The following OR9G1 variants were observed in gnomAD, a reference collection of about 807,000 sequenced individuals.
The protein encoded by OR9G1 is olfactory receptor family 9 subfamily G member 1.
Under a neutral mutation model 14.5 loss-of-function variants are expected in OR9G1, and 21 were observed. That is an observed-to-expected ratio of 1.45 (90% CI 1.03 to 2.09). The LOEUF (loss-of-function observed/expected upper bound fraction) is 2.09. Among genes scored for constraint, OR9G1 ranks in the 30% most tolerant of loss-of-function variants. The probability of loss-of-function intolerance (pLI) is 0.00; values close to 1 mark genes in which losing one functional copy is unlikely to be tolerated. For synonymous variants in OR9G1, 179 were observed against 153.3 expected (o/e 1.17, Z -1.24); for missense variants, 476 against 364.2 (o/e 1.31, Z -2.50).
In OR9G1 at chr11:56,703,670, T is replaced by C. The variant is rs1049755944; in HGVS notation, c.*2365T>C. ...CATCTAATCTTAAAACACCGTGGTA[T>C]CATAAACCCTGACATGTAACTATAG... On this transcript the variant is annotated 3_prime_UTR_variant, in exon 2 of 2. Coordinates refer to ENST00000642097, the MANE Select transcript of OR9G1 (RefSeq NM_001005213.2). 6.6e-6 allele frequency: 1 copy of C among 152,314 alleles called. No homozygotes were observed. The highest frequency in any genetic ancestry group is 1.5e-5 in the Non-Finnish European group (1 of 68,060). 9.4% of individuals were successfully genotyped at this position (152,314 alleles called of 1,614,324 possible).
At position 56,700,392 on chromosome 11, in the gene OR9G1, A is replaced by G. The variant is rs1365841673; in HGVS notation, c.5A>G (p.Gln2Arg). The G allele has an allele frequency of 1.2e-6, 2 of 1,613,964 alleles. No individual in the cohort carries two copies. Among genetic ancestry groups the G allele is most frequent in the Non-Finnish European group, 1.7e-6 (2 of 1,179,970 alleles). The part of the protein sequence containing the change: M[Q>R]RSNHTVTEFI... ...TAGGTGAGATTCCTTACAGCCATGCAGAGGAGCAATCATACAGTGACTGAG... is the reference window on the plus strand; with the variant it reads ...TAGGTGAGATTCCTTACAGCCATGCGGAGGAGCAATCATACAGTGACTGAG... Residue 2 changes from glutamine (Q) to arginine (R), a missense_variant, in exon 2 of 2, where the codon CAG becomes CGG. Transcript: ENST00000642097.
intron 1 of OR9G1, 69 bp from the exon 2 acceptor site, chr11:56,700,301 A>G: frequency 6.4e-7 from 1 of 1,550,972 alleles, no homozygotes; most frequent in African/African-American, 1.4e-5. Context: ...TGCAAATGTG[A>G]TCTTATGTAA....
At position 56,700,825 on chromosome 11, in the gene OR9G1, C is replaced by T. The variant is rs1383748546; in HGVS notation, c.438C>T (p.Val146=). The T allele has an allele frequency of 1.2e-6, 2 of 1,614,318 alleles. No individual in the cohort carries two copies. Among genetic ancestry groups the T allele is most frequent in the East Asian group, 2.2e-5 (1 of 44,894 alleles). ...SIKLCALLVA[V]SYCGGFINSS... ...AGCTGTGTGCATTGCTGGTAGCAGT[C>T]TCATATTGTGGTGGCTTTATTAACT... The change falls in exon 2 of 2, where the codon GTC becomes GTT. Residue 146 remains valine, a synonymous_variant. Transcript: ENST00000642097.
rs1857612359 is a variant in OR9G1 at position 56,700,886 on chromosome 11, T to G, written c.499T>G (p.Phe167Val). Residue 167 changes from phenylalanine (F) to valine (V), a missense_variant, in exon 2 of 2, where the codon TTC becomes GTC. This residue lies in a region of OR9G1 where 352 missense variants were observed against 211.6 expected (regional missense o/e 1.66). Transcript: ENST00000642097. The part of the protein sequence containing the change: ...IITKKTFSFN[F>V]CRENIIDDFF... ...CACCAAGAAAACGTTTTCCTTTAAC[T>G]TCTGCCGTGAAAACATCATTGATGA... 1 of 1,614,270 alleles carries G rather than the reference T, an allele frequency of 6.2e-7. No homozygotes were observed. Among genetic ancestry groups the G allele is most frequent in the Non-Finnish European group, 8.5e-7 (1 of 1,180,016 alleles).
intron 1 of OR9G1, 74 bp from the exon 2 acceptor site, chr11:56,700,296 A>G: frequency 1.3e-6 from 2 of 1,541,230 alleles, no homozygotes; most frequent in South Asian, 2.6e-5. Context: ...AACACTGCAA[A>G]TGTGATCTTA....
In OR9G1 at chr11:56,701,638, C is replaced by A. The variant is rs1350033421; in HGVS notation, c.*333C>A. On this transcript the variant is annotated 3_prime_UTR_variant, in exon 2 of 2. Coordinates refer to ENST00000642097, the MANE Select transcript of OR9G1 (RefSeq NM_001005213.2). ...CATATAGAAGAGTATCTATATAGTT[C>A]CTAGAACTAGGAAGAATTGTGCTCA... The A allele has an allele frequency of 1.2e-5, 3 of 259,334 alleles. No individual in the cohort carries two copies. The highest frequency in any genetic ancestry group is 4.4e-5 in the African/African-American group (2 of 45,012). 16.1% of individuals were successfully genotyped at this position (259,334 alleles called of 1,614,324 possible). A position where few individuals can be genotyped will look rare whatever the true frequency, so the allele number is the denominator to read the frequency against.
At position 56,701,225 on chromosome 11, in the gene OR9G1, G is replaced by GTA. The variant is rs754573248; in HGVS notation, c.840_841dup (p.Phe281TyrfsTer5). ...AATAGTTTCTACATTTTACACTGTG[G>GTA]TATTCCCCATGTTGAATCTCATGAT... On this transcript the variant is annotated frameshift_variant, in exon 2 of 2. Coordinates refer to ENST00000642097, the MANE Select transcript of OR9G1 (RefSeq NM_001005213.2). LOFTEE classifies it high-confidence loss of function. 2.6e-5 allele frequency: 42 copies of GTA among 1,614,154 alleles called. No homozygotes were observed. Among genetic ancestry groups the GTA allele is most frequent in the Non-Finnish European group, 3.5e-5 (41 of 1,180,044 alleles).
chr11:56,700,754 G>T lies in OR9G1; in HGVS notation c.367G>T (p.Val123Leu), dbSNP rs150808073. 2 of 1,614,310 alleles carry T rather than the reference G, an allele frequency of 1.2e-6. No homozygotes were observed. Among genetic ancestry groups the T allele is most frequent in the East Asian group, 2.2e-5 (1 of 44,894 alleles). ...LLAAVAYDRY[V>L]AISKPLLYAQ... ...GGCTGCCGTGGCTTATGACCGCTAC[G>T]TGGCCATCTCCAAGCCCCTGCTTTA... The change falls in exon 2 of 2, where the codon GTG (valine) becomes TTG (leucine). Residue 123 changes from valine (V) to leucine (L), a missense_variant. Around this residue, in one of 3 missense-constraint regions of OR9G1, gnomAD observed 35 missense variants for 67.6 expected, o/e 0.52. Transcript: ENST00000642097.
chr11:56,700,137 T>A (rs1032804612), intron 1 of OR9G1, among the ~76,000 whole-genome samples: 5 of 152,310 alleles, frequency 3.3e-5, no homozygotes, highest in African/African-American at 1.2e-4. Flanking sequence ...AGTACATCTT[T>A]TCTTCACTTG....
chr11:56,700,256 C>A, intron 1 of OR9G1, 114 bp from the exon 2 acceptor site: 5 of 1,431,702 alleles, frequency 3.5e-6, no homozygotes, highest in African/African-American at 1.4e-5. Flanking sequence ...CTAAAACAAA[C>A]AATTAGATTG....
rs1161941922 is a variant in OR9G1, at chr11:56,703,725, T to C, written c.*2420T>C. ...GAGTCTCAAACTACTTGACGGCTTC[T>C]ATTCTAATATTTTTATGGGAGCCTA... On this transcript the variant is annotated 3_prime_UTR_variant, in exon 2 of 2. Coordinates refer to ENST00000642097, the MANE Select transcript of OR9G1 (RefSeq NM_001005213.2). The C allele has an allele frequency of 3.3e-5, 5 of 152,306 alleles. No individual in the cohort carries two copies. Among genetic ancestry groups the C allele is most frequent in the East Asian group, 1.9e-4 (1 of 5,208 alleles). 9.4% of individuals were successfully genotyped at this position (152,306 alleles called of 1,614,324 possible). A position where few individuals can be genotyped will look rare whatever the true frequency, so the allele number is the denominator to read the frequency against.
Position 56,703,209 on chromosome 11 carries a change from C to T in OR9G1, c.*1904C>T, listed in dbSNP as rs939035204. The T allele has an allele frequency of 9.8e-5, 15 of 152,426 alleles. No homozygotes were observed. Among genetic ancestry groups the T allele is most frequent in the Admixed American group, 9.8e-4 (15 of 15,304 alleles). The allele number at this position is 152,426 out of a possible 1,614,324, so 9.4% of individuals were successfully genotyped here. A position where few individuals can be genotyped will look rare whatever the true frequency, so the allele number is the denominator to read the frequency against. On this transcript the variant is annotated 3_prime_UTR_variant, in exon 2 of 2. Coordinates refer to ENST00000642097, the MANE Select transcript of OR9G1 (RefSeq NM_001005213.2). ...CAGTAAAGGGAGAAAATGCAAGAAACTGAATTAGGCAGGTAGACCCAGAAA... is the reference window on the plus strand; with the variant it reads ...CAGTAAAGGGAGAAAATGCAAGAAATTGAATTAGGCAGGTAGACCCAGAAA...
Position 56,701,403 on chromosome 11 carries a change from C to T in OR9G1, c.*98C>T. 2.7e-6 allele frequency: 4 copies of T among 1,464,426 alleles called. No homozygotes were observed. Among genetic ancestry groups the T allele is most frequent in the South Asian group, 1.4e-5 (1 of 71,310 alleles). 90.7% of individuals were successfully genotyped at this position (1,464,426 alleles called of 1,614,324 possible). ...ACCATTGTGCTTTATCGTGATCAGT[C>T]CCCTTCTTGACACGTGAGAGTTACA... On this transcript the variant is annotated 3_prime_UTR_variant, in exon 2 of 2. Transcript: ENST00000642097.
chr11:56,700,721 T>A lies in OR9G1; in HGVS notation c.334T>A (p.Tyr112Asn). 2 of 1,614,084 alleles carry A rather than the reference T, an allele frequency of 1.2e-6. No homozygotes were observed. Among genetic ancestry groups the A allele is most frequent in the Non-Finnish European group, 8.5e-7 (1 of 1,179,848 alleles). ...TGCAGGGCTGGCCTATAGTGAGTGC[T>A]ACCTGCTGGCTGCCGTGGCTTATGA... ...FSAGLAYSEC[Y>N]LLAAVAYDRY... Residue 112 changes from tyrosine (Y) to asparagine (N), a missense_variant, in exon 2 of 2, where the codon TAC becomes AAC. By Grantham distance (143) the Tyr-to-Asn change is moderately radical. This residue lies in a region of OR9G1 where 35 missense variants were observed against 67.6 expected (regional missense o/e 0.52). Coordinates refer to ENST00000642097, the MANE Select transcript of OR9G1 (RefSeq NM_001005213.2).
Position 56,701,052 on chromosome 11 carries a change from C to T in OR9G1, c.665C>T (p.Thr222Ile), listed in dbSNP as rs113918833. ...CTGGCCTCCTACCTCTTTATCATCACCAGTGTCTTGAGGATCTCCTCCTCC... is the reference window on the plus strand; with the variant it reads ...CTGGCCTCCTACCTCTTTATCATCATCAGTGTCTTGAGGATCTCCTCCTCC... ...LILASYLFII[T>I]SVLRISSSKG... Residue 222 changes from threonine to isoleucine, a missense_variant, in exon 2 of 2, where the codon ACC (threonine) becomes ATC (isoleucine). Thr to Ile is a moderately conservative substitution (Grantham distance 89). This residue lies in a region of OR9G1 where 352 missense variants were observed against 211.6 expected (regional missense o/e 1.66). Transcript: ENST00000642097. 2.2e-4 allele frequency: 361 copies of T among 1,613,030 alleles called. No homozygotes were observed. In the African/African-American group the frequency reaches 4.1e-3, roughly 18 times the overall value.
rs1857636319 is a variant in OR9G1, at chr11:56,701,646, T to C, written c.*341T>C. The C allele has an allele frequency of 4.0e-6, 1 of 252,214 alleles. No homozygotes were observed. Among genetic ancestry groups the C allele is most frequent in the African/African-American group, 2.2e-5 (1 of 44,862 alleles). The allele number at this position is 252,214 out of a possible 1,614,324, so 15.6% of individuals were successfully genotyped here. A position where few individuals can be genotyped will look rare whatever the true frequency, so the allele number is the denominator to read the frequency against. Reference sequence around the variant, plus strand: ...AGAGTATCTATATAGTTCCTAGAACTAGGAAGAATTGTGCTCAATTTTTAA... The same window carrying C: ...AGAGTATCTATATAGTTCCTAGAACCAGGAAGAATTGTGCTCAATTTTTAA... On this transcript the variant is annotated 3_prime_UTR_variant, in exon 2 of 2. Transcript: ENST00000642097.
intron 1 of OR9G1, among the ~76,000 whole-genome samples, chr11:56,700,037 T>A (rs929039246): frequency 6.6e-6 from 1 of 152,300 alleles, no homozygotes; most frequent in African/African-American, 2.4e-5. Flanking sequence ...GACAAACAAG[T>A]GATACTTAAA....
At position 56,702,253 on chromosome 11, in the gene OR9G1, C is replaced by G. The variant is rs1193414133; in HGVS notation, c.*948C>G. On this transcript the variant is annotated 3_prime_UTR_variant, in exon 2 of 2. Coordinates refer to ENST00000642097, the MANE Select transcript of OR9G1 (RefSeq NM_001005213.2). Reference sequence around the variant, plus strand: ...TTTCTTGTAAGGCTGATTATTATTCCATTGTGTACTATATGCCACTTTTTC... The same window carrying G: ...TTTCTTGTAAGGCTGATTATTATTCGATTGTGTACTATATGCCACTTTTTC... The G allele has an allele frequency of 6.6e-6, 1 of 152,256 alleles. No individual in the cohort carries two copies. Among genetic ancestry groups the G allele is most frequent in the African/African-American group, 2.4e-5 (1 of 41,462 alleles). The allele number at this position is 152,256 out of a possible 1,614,324, so 9.4% of individuals were successfully genotyped here.
chr11:56,699,939 T>C (rs1467083222), intron 1 of OR9G1, among the ~76,000 whole-genome samples: 2 of 152,302 alleles, frequency 1.3e-5, no homozygotes, highest in Non-Finnish European at 2.9e-5. Flanking sequence ...TATAATGCTT[T>C]CATAATGTTT....
Sources: allele counts gnomAD v4.1 joint callset (sites outside exome capture counted in the v4.1 genomes callset), GRCh38; gene constraint gnomAD v4.1.1; regional missense constraint gnomAD v4.1.1; transcripts MANE v1.5; gene names NCBI Gene and HGNC (gene_info 2026-07-23, HGNC 2026-07-21).